The following TTN variants were observed in gnomAD, a reference collection of about 807,000 sequenced individuals.
TTN encodes titin.
Under a neutral mutation model 3,223.0 loss-of-function variants are expected in TTN, and 1,525 were observed. The ratio of observed to expected loss-of-function variants is 0.47; its 90% confidence interval spans 0.45 to 0.49. The LOEUF is 0.49. TTN is among the 20% of genes least tolerant of loss of function. The pLI is 0.00. For missense variants in TTN, 40,786 were observed against 43,424.0 expected (o/e 0.94, Z 5.40); for synonymous variants, 14,094 against 15,161.0 (o/e 0.93, Z 5.17).
rs1340162231 is a variant in TTN at position 178,719,561 on chromosome 2, A to G, written c.23931T>C (p.His7977=). The G allele has an allele frequency of 4.4e-6, 7 of 1,604,024 alleles. No individual in the cohort carries two copies. In the East Asian group the frequency reaches 9.0e-5, roughly 21 times the overall value. Residue 7977 remains histidine, a synonymous_variant, in exon 82 of 363, where the codon CAT becomes CAC. Coordinates refer to ENST00000589042, the MANE Select transcript of TTN (RefSeq NM_001267550.2). ...VGKSNCTVSV[H]VSDRIVPPSF... ...AAATCTCATTCTACTCACCAGAAAC[A>G]TGGACGGATACAGTGCAGTTACTTT...
chr2:178,669,716 T>C (rs376107684), intron 157 of TTN, 41 bp from the exon 158 acceptor site: 23 of 1,595,314 alleles, frequency 1.4e-5, no homozygotes, highest in East Asian at 2.2e-5. Context: ...CAGAACATTA[T>C]AGTTGGGTGT....
Position 178,611,787 on chromosome 2 carries a change from G to C in TTN, c.50522C>G (p.Thr16841Arg). The C allele has an allele frequency of 6.2e-7, 1 of 1,612,678 alleles. No homozygotes were observed. The highest frequency in any genetic ancestry group is 8.5e-7 in the Non-Finnish European group (1 of 1,179,212). ...TGGATCTTCAATGGATAGGATTTCT[G>C]TGGGTTCACTTGGGTGGCCAACTCC... ...EAGVGHPSEP[T>R]EILSIEDPTS... The change falls in exon 268 of 363, where the codon ACA becomes AGA. Residue 16841 changes from threonine to arginine, a missense_variant. Transcript: ENST00000589042.
Position 178,607,809 on chromosome 2 carries a change from G to A in TTN, c.52978C>T (p.Pro17660Ser), listed in dbSNP as rs957490512. ...AGEGPPGETQ[P>S]VTVAEPQEPP... ...CCTTGTGGTTCAGCCACAGTAACAG[G>A]TTGTGTTTCTCCAGGCGGTCCTTCC... The change falls in exon 276 of 363, where the codon CCT becomes TCT. Residue 17660 changes from proline to serine, a missense_variant. Physicochemically the swap from Pro to Ser is moderately conservative, Grantham distance 74. Coordinates refer to ENST00000589042, the MANE Select transcript of TTN (RefSeq NM_001267550.2). 1 of 1,612,932 alleles carries A rather than the reference G, an allele frequency of 6.2e-7. No individual in the cohort carries two copies. The highest frequency in any genetic ancestry group is 8.5e-7 in the Non-Finnish European group (1 of 1,179,318).
chr2:178,590,056 G>C lies in TTN; in HGVS notation c.61669C>G (p.His20557Asp), dbSNP rs1440800435. 6.2e-7 allele frequency: 1 copy of C among 1,613,054 alleles called. No homozygotes were observed. Among genetic ancestry groups the C allele is most frequent in the Non-Finnish European group, 8.5e-7 (1 of 1,179,474 alleles). The stretch of plus-strand genomic sequence containing the variant: ...TTAACGATGGCTGAACCTTGGGCAT[G>C]TCCACTGCTGTTCTTAGCTGAGATG... Reference protein sequence around the residue: ...YIISAKNSSGHAQGSAIVNVL... With the variant: ...YIISAKNSSGDAQGSAIVNVL... Residue 20557 changes from histidine to aspartate, a missense_variant, in exon 304 of 363, where the codon CAT becomes GAT. His to Asp is a moderately conservative substitution (Grantham distance 81). Coordinates refer to ENST00000589042, the MANE Select transcript of TTN (RefSeq NM_001267550.2).
rs771100741 is a variant in TTN, at chr2:178,706,984, A to G, written c.29042-30T>C. The G allele has an allele frequency of 2.9e-5, 45 of 1,563,614 alleles. 1 individual carries two copies. In the East Asian group the frequency reaches 8.9e-4, roughly 31 times the overall value. On this transcript the variant is annotated intron_variant, in intron 100 of 362. Transcript: ENST00000589042. ...AAAAACATTTACATGTTTTGTTACTACAATCACCTCAGAATTACAATACAT... is the reference window on the plus strand; with the variant it reads ...AAAAACATTTACATGTTTTGTTACTGCAATCACCTCAGAATTACAATACAT...
chr2:178,534,038 T>A lies in TTN; in HGVS notation c.102577A>T (p.Ile34193Phe). The change falls in exon 358 of 363, where the codon ATC (isoleucine) becomes TTC (phenylalanine). Residue 34193 changes from isoleucine to phenylalanine, a missense_variant. Transcript: ENST00000589042. The stretch of plus-strand genomic sequence containing the variant: ...TTGGTAATGTCTTTGACATAGAGGA[T>A]GGCCACTCCATCTTCGTAGGTGATT... ...YEITYEDGVA[I>F]LYVKDITKLD... 1 of 1,614,010 alleles carries A rather than the reference T, an allele frequency of 6.2e-7. No individual in the cohort carries two copies. The highest frequency in any genetic ancestry group is 8.5e-7 in the Non-Finnish European group (1 of 1,179,870).
chr2:178,793,967 T>C (rs2093640203), intron 8 of TTN, among the ~76,000 whole-genome samples: 1 of 152,182 alleles, frequency 6.6e-6, no homozygotes, highest in Non-Finnish European at 1.5e-5. Flanking sequence ...ATGAATCAAG[T>C]GTCATGTTTG....
intron 47 of TTN, chr2:178,747,758 G>A: frequency 6.2e-7 from 1 of 1,611,542 alleles, no homozygotes; most frequent in Non-Finnish European, 8.5e-7. Flanking sequence ...AGAAAAACTA[G>A]TTTCTATCAT....
rs2059491089 is a variant in TTN at position 178,629,362 on chromosome 2, G to A, written c.44363C>T (p.Ser14788Phe). Reference sequence around the variant, plus strand: ...CCATTCCACTGGGATATCTTCGTAGGAGAGCTCGCAGTCGAAGGTGGCTGT... The same window carrying A: ...CCATTCCACTGGGATATCTTCGTAGAAGAGCTCGCAGTCGAAGGTGGCTGT... ...GETATFDCEL[S>F]YEDIPVEWYL... The change falls in exon 240 of 363, where the codon TCC (serine) becomes TTC (phenylalanine). Residue 14788 changes from serine (S) to phenylalanine (F), a missense_variant. By Grantham distance (155) the Ser-to-Phe change is radical (BLOSUM62 -2). Transcript: ENST00000589042. 2 of 1,612,962 alleles carry A rather than the reference G, an allele frequency of 1.2e-6. No individual in the cohort carries two copies. The highest frequency in any genetic ancestry group is 1.7e-5 in the Admixed American group (1 of 59,974).
In TTN at chr2:178,598,037, C is replaced by T. The variant is rs900912009; in HGVS notation, c.57133G>A (p.Gly19045Arg). 7.4e-6 allele frequency: 12 copies of T among 1,612,854 alleles called. No homozygotes were observed. Among genetic ancestry groups the T allele is most frequent in the African/African-American group, 4.0e-5 (3 of 74,964 alleles). The change falls in exon 293 of 363, where the codon GGA (glycine) becomes AGA (arginine). Residue 19045 changes from glycine (G) to arginine (R), a missense_variant. Coordinates refer to ENST00000589042, the MANE Select transcript of TTN (RefSeq NM_001267550.2). ...AATCCTGTCACAACAAGCTTTGTTC[C>T]TCTCACTTCTTTATCTTTACCCTGG... ...WEKGKDKEVR[G>R]TKLVVTGLKE...
chr2:178,540,578 G>A (rs1693927686), intron 350 of TTN, among the ~76,000 whole-genome samples: 1 of 152,072 alleles, frequency 6.6e-6, no homozygotes, highest in East Asian at 1.9e-4. Context: ...AGATACTTGA[G>A]GTCAGGAGTT....
At chr2:178,624,344 C>T in intron 242 of TTN, 121 bp downstream of exon 242, 2 of 1,261,062 alleles carry the variant, frequency 1.6e-6, no homozygotes, top group Non-Finnish European at 2.3e-6. Context: ...AGTGTCAATA[C>T]TAGAAGTTGC....
At chr2:178,688,905 C>T (rs941600097) in intron 125 of TTN, 127 bp from the exon 126 acceptor site, 1 of 1,124,540 alleles carries the variant, frequency 8.9e-7, no homozygotes, top group Admixed American at 2.2e-5. Context: ...AGTTACATAT[C>T]ACAAGGACAT....
chr2:178,625,972 G>A (rs868861200), intron 240 of TTN, among the ~76,000 whole-genome samples: 33 of 151,852 alleles, frequency 2.2e-4, no homozygotes, highest in African/African-American at 7.7e-4. Context: ...GGTCTTTTTT[G>A]CATATGCGTA....
intron 215 of TTN, 69 bp from the exon 216 acceptor site, chr2:178,646,628 T>C: frequency 1.2e-6 from 1 of 862,748 alleles, no homozygotes; most frequent in Non-Finnish European, 1.9e-6. Flanking sequence ...CATACAAATT[T>C]CACATTGATG....
Position 178,597,825 on chromosome 2 carries a change from A to G in TTN, c.57263-6T>C, listed in dbSNP as rs562237741. ...TAGCTGAAGGTCAGGTGAAACTGGAAGCAATTGAAAATTACAAATGTGATT... is the reference window on the plus strand; with the variant it reads ...TAGCTGAAGGTCAGGTGAAACTGGAGGCAATTGAAAATTACAAATGTGATT... On this transcript the variant is annotated splice_polypyrimidine_tract_variant and splice_region_variant and intron_variant, in intron 293 of 362. Coordinates refer to ENST00000589042, the MANE Select transcript of TTN (RefSeq NM_001267550.2). 9 of 1,612,848 alleles carry G rather than the reference A, an allele frequency of 5.6e-6. No individual in the cohort carries two copies. The highest frequency in any genetic ancestry group is 5.0e-5 in the Admixed American group (3 of 59,872).
In TTN at chr2:178,530,833, G is replaced by A. The variant is rs16866380; in HGVS notation, c.105782C>T (p.Pro35261Leu). ...KRVKSPEPSH[P>L]KAVSPTETKP... is the part of the protein sequence containing the mutation. ...TGTCTCTGTGGGTGATACGGCTTTC[G>A]GGTGAGAAGGTTCTGGAGATTTCAC... The change falls in exon 358 of 363, where the codon CCG becomes CTG. Residue 35261 changes from proline to leucine, a missense_variant. Transcript: ENST00000589042. 0.03 allele frequency: 48,240 copies of A among 1,613,654 alleles called. 1,509 individuals are homozygous for A. Among genetic ancestry groups the A allele is most frequent in the East Asian group, 0.18 (7,944 of 44,854 alleles).
At position 178,688,665 on chromosome 2, in the gene TTN, C is replaced by T; in HGVS notation, c.32197+12G>A. On this transcript the variant is annotated intron_variant, in intron 126 of 362. Coordinates refer to ENST00000589042, the MANE Select transcript of TTN (RefSeq NM_001267550.2). The stretch of plus-strand genomic sequence containing the variant: ...CACAAACTCATTTATCCCCTGACTT[C>T]CGATTATATACCTTCGTGCCGCGTG... The T allele has an allele frequency of 1.9e-6, 3 of 1,591,576 alleles. No homozygotes were observed. Among genetic ancestry groups the T allele is most frequent in the Non-Finnish European group, 2.6e-6 (3 of 1,159,612 alleles).
At chr2:178,624,878 TAAAA>T (rs2058798135) in intron 241 of TTN, 147 bp from the exon 242 acceptor site, 2 of 882,356 alleles carry the variant, frequency 2.3e-6, no homozygotes. Context: ...CATTTTCCTC[TAAAA>T]ATGATATTTT....
Sources: allele counts gnomAD v4.1 joint callset (sites outside exome capture counted in the v4.1 genomes callset), GRCh38; gene constraint gnomAD v4.1.1; transcripts MANE v1.5; gene names NCBI Gene and HGNC (gene_info 2026-07-23, HGNC 2026-07-21).